Variants in HK3 observed in about 807,000 individuals in gnomAD.
HK3 encodes the protein hexokinase 3, also known as hexokinase-3.
In HK3, 93 loss-of-function variants were observed where a neutral mutation model predicts 91.0. The observed-to-expected ratio is 1.02, with a 90% CI of 0.86 to 1.21. The LOEUF (loss-of-function observed/expected upper bound fraction) is 1.21, where lower values mean the gene tolerates loss of function less well. HK3 is among the 50% of genes most tolerant of loss of function. HK3 has a pLI of 0.00. For missense variants in HK3, 1,235 were observed against 1,247.4 expected (o/e 0.99, Z 0.15); for synonymous variants, 519 against 516.9 (o/e 1.00, Z -0.06).
intron 6 of HK3, among the ~76,000 whole-genome samples, chr5:176,890,283 A>G (rs1758730989): frequency 6.6e-6 from 1 of 152,164 alleles, no homozygotes; most frequent in Admixed American, 6.5e-5. Context: ...CTTCCTCCGT[A>G]GTGCTCCCAG....
Position 176,896,083 on chromosome 5 carries a change from G to A in HK3, c.77C>T (p.Pro26Leu). ...LSCSEEGLPG[P>L]SDSSELVQEC... Reference sequence around the variant, plus strand: ...ACTTACCAGCTCTGAGCTGTCTGAGGGCCCGGGCAAGCCCTCCTCAGAGCA... The same window carrying A: ...ACTTACCAGCTCTGAGCTGTCTGAGAGCCCGGGCAAGCCCTCCTCAGAGCA... The change falls in exon 2 of 19, where the codon CCC becomes CTC. Residue 26 changes from proline (P) to leucine (L), a missense_variant. Around this residue, in one of 3 missense-constraint regions of HK3, gnomAD observed 717 missense variants for 751.6 expected, o/e 0.95. Transcript: ENST00000292432. The A allele has an allele frequency of 6.2e-7, 1 of 1,613,774 alleles. No individual in the cohort carries two copies. The highest frequency in any genetic ancestry group is 8.5e-7 in the Non-Finnish European group (1 of 1,179,828).
Position 176,888,866 on chromosome 5 carries a change from T to C in HK3, c.915-2A>G, listed in dbSNP as rs748815765. 10 of 1,612,436 alleles carry C rather than the reference T, an allele frequency of 6.2e-6. No individual in the cohort carries two copies. The South Asian group carries it at 9.9e-5, about 16-fold the overall frequency. On this transcript the variant is annotated splice_acceptor_variant, in intron 8 of 18. Transcript: ENST00000292432. LOFTEE classifies it high-confidence loss of function. ...AGGCCTCCGATCATCTTCTCAAACC[T>C]GCAGGGGGGAAGGGTGGCTGGAGGA...
chr5:176,882,368 G>A (rs1196173656), intron 15 of HK3, among the ~76,000 whole-genome samples: 1 of 152,098 alleles, frequency 6.6e-6, no homozygotes, highest in Non-Finnish European at 1.5e-5. Context: ...CATCCACCAT[G>A]CCACCCCCAA....
chr5:176,892,124 C>T (rs929455928), intron 2 of HK3, among the ~76,000 whole-genome samples: 11 of 152,122 alleles, frequency 7.2e-5, no homozygotes, highest in African/African-American at 7.2e-5. Context: ...TTCTAAGCAC[C>T]GCACACACAT....
chr5:176,890,007 C>T (rs1457020859), intron 6 of HK3, among the ~76,000 whole-genome samples: 3 of 152,180 alleles, frequency 2.0e-5, no homozygotes, highest in Non-Finnish European at 4.4e-5. Context: ...CACCATCTCC[C>T]AGGACCAGGA....
In HK3 at chr5:176,895,660, T is replaced by C. The variant is rs185655018; in HGVS notation, c.96+404A>G. On this transcript the variant is annotated intron_variant, in intron 2 of 18. Coordinates refer to ENST00000292432, the MANE Select transcript of HK3 (RefSeq NM_002115.3). ...ATTGAGGGAGACATGCAGGAGGAAC[T>C]GGAGAGGCGGGAAAGGAAAGGTCTC... 1.9e-3 allele frequency among the ~76,000 whole-genome samples: 292 copies of C among 152,262 alleles called. 1 individual carries two copies. The highest frequency in any genetic ancestry group is 3.4e-3 in the Non-Finnish European group (232 of 68,026).
rs747904642 is a variant in HK3 at position 176,888,466 on chromosome 5, G to C, written c.1170C>G (p.Ala390=). 1.3e-6 allele frequency: 2 copies of C among 1,554,206 alleles called. No homozygotes were observed. Among genetic ancestry groups the C allele is most frequent in the Non-Finnish European group, 1.7e-6 (2 of 1,148,306 alleles). Residue 390 remains alanine (A), a synonymous_variant, in exon 10 of 19, where the codon GCC becomes GCG. Transcript: ENST00000292432. ...AGAGCTGGGCAGCCCGCGTGCACACGGCCGCACAGACGTGCTGCACAAGCT... is the reference window on the plus strand; with the variant it reads ...AGAGCTGGGCAGCCCGCGTGCACACCGCCGCACAGACGTGCTGCACAAGCT... The part of the protein sequence containing the change: ...DVELVQHVCA[A]VCTRAAQLCA...
Position 176,891,464 on chromosome 5 carries a change from C to A in HK3, c.183G>T (p.Ala61=). Residue 61 remains alanine, a synonymous_variant, in exon 3 of 19, where the codon GCG becomes GCT. Coordinates refer to ENST00000292432, the MANE Select transcript of HK3 (RefSeq NM_002115.3). ...GGGCAGGGCTGGCCTGTCCCCTCAG[C>A]GCCTGCTCCATGGAACCCAAGAGGC... ...QASLLGSMEQ[A]LRGQASPAPA... 1 of 1,614,160 alleles carries A rather than the reference C, an allele frequency of 6.2e-7. No homozygotes were observed. Among genetic ancestry groups the A allele is most frequent in the Non-Finnish European group, 8.5e-7 (1 of 1,180,010 alleles).
chr5:176,882,678 G>A (rs930559936), intron 15 of HK3, among the ~76,000 whole-genome samples: 4 of 152,232 alleles, frequency 2.6e-5, no homozygotes, highest in Admixed American at 6.5e-5. Context: ...GCGAGTCTCT[G>A]CCAACAGGAT....
chr5:176,898,014 CGGCCGTTCG>C (rs1758947722), intron 1 of HK3, among the ~76,000 whole-genome samples: 1 of 152,194 alleles, frequency 6.6e-6, no homozygotes, highest in East Asian at 1.9e-4. Flanking sequence ...CTCACTCACA[CGGCCGTTCG>C]GGCTGCCTGC....
chr5:176,889,817 G>T, intron 6 of HK3, 73 bp from the exon 7 acceptor site: 1 of 1,297,494 alleles, frequency 7.7e-7, no homozygotes, highest in Non-Finnish European at 1.1e-6. Context: ...GATGGGCAGG[G>T]CTGGGGCCCT....
At position 176,889,401 on chromosome 5, in the gene HK3, G is replaced by A; in HGVS notation, c.894C>T (p.Ser298=). ...TTFDHTLDHE[S]LNPGAQRFEK... is the part of the protein sequence containing the mutation. ...GTCACCTCTGAGCACCAGGATTCAG[G>A]GACTCATGGTCCAGGGTATGGTCGA... Residue 298 remains serine, a synonymous_variant, in exon 8 of 19, where the codon TCC becomes TCT. Coordinates refer to ENST00000292432, the MANE Select transcript of HK3 (RefSeq NM_002115.3). 1 of 1,614,056 alleles carries A rather than the reference G, an allele frequency of 6.2e-7. No individual in the cohort carries two copies. Among genetic ancestry groups the A allele is most frequent in the Non-Finnish European group, 8.5e-7 (1 of 1,179,970 alleles).
intron 1 of HK3, among the ~76,000 whole-genome samples, chr5:176,897,893 C>A (rs1168975819): frequency 6.6e-6 from 1 of 152,222 alleles, no homozygotes; most frequent in Non-Finnish European, 1.5e-5. Context: ...ACATCACTAT[C>A]TGGATGGTGG....
At position 176,884,234 on chromosome 5, in the gene HK3, C is replaced by G; in HGVS notation, c.1858-100G>C. 3 of 977,166 alleles carry G rather than the reference C, an allele frequency of 3.1e-6. No individual in the cohort carries two copies. In the South Asian group the frequency reaches 4.0e-5, roughly 13 times the overall value. The allele number at this position is 977,166 out of a possible 1,614,324, so 60.5% of individuals were successfully genotyped here. On this transcript the variant is annotated intron_variant, in intron 13 of 18. Coordinates refer to ENST00000292432, the MANE Select transcript of HK3 (RefSeq NM_002115.3). This position sits in a 1 kb window ranked among gnomAD's most constrained non-coding sequence, Gnocchi z 4.1. ...ATCCATCACAAGCCTAGGCTTTCCACCCTCCCCAAGCACAATTCCTTGCCT... is the reference window on the plus strand; with the variant it reads ...ATCCATCACAAGCCTAGGCTTTCCAGCCTCCCCAAGCACAATTCCTTGCCT...
chr5:176,887,698 G>A lies in HK3; in HGVS notation c.1353C>T (p.Cys451=), dbSNP rs775618723. ...QGTVMLLAPE[C]DVSLIPSVDG... The stretch of plus-strand genomic sequence containing the variant: ...CCACAGAGGGGATTAAGGAGACATC[G>A]CATTCCGGGGCCAGGAGCATCACTG... Residue 451 remains cysteine (C), a synonymous_variant, in exon 11 of 19, where the codon TGC becomes TGT. Transcript: ENST00000292432. The surrounding 1 kb of genome is among the most constrained non-coding windows in gnomAD (Gnocchi z 4.9). 1.9e-6 allele frequency: 3 copies of A among 1,613,038 alleles called. No individual in the cohort carries two copies. The highest frequency in any genetic ancestry group is 2.7e-5 in the African/African-American group (2 of 74,904).
intron 17 of HK3, 47 bp from the exon 18 acceptor site, chr5:176,881,582 CT>C: frequency 6.3e-7 from 1 of 1,585,566 alleles, no homozygotes; most frequent in Non-Finnish European, 8.6e-7. Context: ...GTCGTGACTT[CT>C]CCCACTTCAT....
chr5:176,885,085 G>T (rs1329758252), intron 13 of HK3, among the ~76,000 whole-genome samples: 1 of 152,200 alleles, frequency 6.6e-6, no homozygotes, highest in Non-Finnish European at 1.5e-5. Flanking sequence ...GGGAAGGGGA[G>T]GCAAAGGGGG....
Position 176,887,648 on chromosome 5 carries a change from A to G in HK3, c.1403T>C (p.Met468Thr), listed in dbSNP as rs774491883. 6.2e-7 allele frequency: 1 copy of G among 1,613,690 alleles called. No individual in the cohort carries two copies. Among genetic ancestry groups the G allele is most frequent in the Non-Finnish European group, 8.5e-7 (1 of 1,179,948 alleles). ...SVDGGGRGVA[M>T]VTAVAARLAA... ...CAGACGGGCAGCCACGGCAGTCACC[A>G]TCGCCACTCCCCGGCCACCACCATC... is the stretch of plus-strand genomic sequence containing the variant. Residue 468 changes from methionine to threonine, a missense_variant, in exon 11 of 19, where the codon ATG becomes ACG. Coordinates refer to ENST00000292432, the MANE Select transcript of HK3 (RefSeq NM_002115.3). This position sits in a 1 kb window ranked among gnomAD's most constrained non-coding sequence, Gnocchi z 4.9.
chr5:176,889,316 G>A, intron 8 of HK3, 65 bp downstream of exon 8: 1 of 1,525,160 alleles, frequency 6.6e-7, no homozygotes, highest in South Asian at 1.2e-5. Flanking sequence ...GGACAGAAGG[G>A]GTTGGGAGCA....
Sources: gnomAD v4.1 joint callset for allele counts (sites outside exome capture counted in the v4.1 genomes callset) on GRCh38, gnomAD v4.1.1 for gene constraint, gnomAD v4.1.1 regional missense constraint, Gnocchi (gnomAD v3.1) non-coding constraint, MANE v1.5 for transcripts, NCBI Gene and HGNC (gene_info 2026-07-23, HGNC 2026-07-21) for gene names.